Variants in GALNT17 observed in about 807,000 individuals in gnomAD.
GALNT17 encodes UDP-GalNAc:polypeptide N-acetylgalactosaminyltransferase-like 3.
GALNT17 carries 29 observed loss-of-function variants against 63.7 expected under a neutral mutation model. The ratio of observed to expected loss-of-function variants is 0.46; its 90% CI spans 0.34 to 0.62. The LOEUF (loss-of-function observed/expected upper bound fraction) is 0.62, where lower values mean the gene tolerates loss of function less well. GALNT17 is among the 20% of genes least tolerant of loss of function. GALNT17 has a pLI of 0.01. For missense variants in GALNT17, 603 were observed against 799.6 expected, an observed-to-expected ratio of 0.75 and a Z score of 2.97; for synonymous variants, 305 against 318.3, an observed-to-expected ratio of 0.96 and a Z score of 0.45.
chr7:71,275,624 T>G (rs949482704), intron 1 of GALNT17, among the ~76,000 whole-genome samples: 2 of 152,144 alleles, frequency 1.3e-5, no homozygotes, highest in African/African-American at 4.8e-5. Context: ...TCTACGGCAG[T>G]TCCATGGGGG....
chr7:71,237,580 G>T (rs1469976612), intron 1 of GALNT17, among the ~76,000 whole-genome samples: 1 of 151,780 alleles, frequency 6.6e-6, no homozygotes, highest in Non-Finnish European at 1.5e-5. Context: ...AGCTACTCAG[G>T]AGGCTGACAT....
chr7:71,182,063 T>C (rs1403802829), intron 1 of GALNT17, among the ~76,000 whole-genome samples: 1 of 152,128 alleles, frequency 6.6e-6, no homozygotes. Context: ...TAGTCTCAGC[T>C]ACTCGGGAGG....
chr7:71,523,143 G>A (rs1158074665), intron 5 of GALNT17, among the ~76,000 whole-genome samples: 1 of 152,162 alleles, frequency 6.6e-6, no homozygotes, highest in Admixed American at 6.5e-5. Flanking sequence ...TACATTTTAG[G>A]AGCCAGGTGC....
chr7:71,307,532 A>G (rs1296232770), intron 1 of GALNT17: 1 of 151,936 alleles, frequency 6.6e-6, no homozygotes, highest in Non-Finnish European at 1.5e-5. Flanking sequence ...ATCAAGTGCT[A>G]TGATAGAGAC....
At chr7:71,473,638 T>C (rs1479221507) in intron 5 of GALNT17, among the ~76,000 whole-genome samples, 2 of 152,134 alleles carry the variant, frequency 1.3e-5, no homozygotes, top group African/African-American at 4.8e-5. Context: ...CCATCCTTTC[T>C]TCTCTTCATG....
chr7:71,507,530 C>G (rs946860628), intron 5 of GALNT17, among the ~76,000 whole-genome samples: 7 of 152,200 alleles, frequency 4.6e-5, no homozygotes, highest in African/African-American at 7.2e-5. Context: ...GCAGTCAGCA[C>G]TCACCCTGGG....
intron 5 of GALNT17, among the ~76,000 whole-genome samples, chr7:71,445,665 A>C (rs1193429223): frequency 1.3e-5 from 2 of 152,278 alleles, no homozygotes; most frequent in African/African-American, 4.8e-5. Flanking sequence ...TGATTGCTGA[A>C]ATCGATTAAA....
At chr7:71,397,624 C>T (rs1793161794) in intron 3 of GALNT17, among the ~76,000 whole-genome samples, 1 of 152,202 alleles carries the variant, frequency 6.6e-6, no homozygotes, top group South Asian at 2.1e-4. Flanking sequence ...TATCTGAAGT[C>T]ACACTGCCCT....
At position 71,445,474 on chromosome 7, in the gene GALNT17, C is replaced by T. The variant is rs368200263; in HGVS notation, c.962+24369C>T. Reference sequence around the variant, plus strand: ...GGCCTCCCAAAGTGCTGGGATTACACGTGTGAGCCACTGCGCCCGGCCAGG... The same window carrying T: ...GGCCTCCCAAAGTGCTGGGATTACATGTGTGAGCCACTGCGCCCGGCCAGG... On this transcript the variant is annotated intron_variant, in intron 5 of 10. Coordinates refer to ENST00000333538, the MANE Select transcript of GALNT17 (RefSeq NM_022479.3). 4.8e-4 allele frequency among the ~76,000 whole-genome samples: 71 copies of T among 149,082 alleles called. No individual in the cohort carries two copies. The East Asian group carries it at 0.011, about 23-fold the overall frequency.
chr7:71,327,975 A>G (rs1044764347), intron 1 of GALNT17, among the ~76,000 whole-genome samples: 14 of 152,080 alleles, frequency 9.2e-5, no homozygotes, highest in African/African-American at 3.1e-4. Context: ...GTTGCCTCCT[A>G]TTGGTTCATC....
intron 1 of GALNT17, among the ~76,000 whole-genome samples, chr7:71,273,013 A>G (rs1426308967): frequency 6.7e-6 from 1 of 148,356 alleles, no homozygotes; most frequent in African/African-American, 2.6e-5. Flanking sequence ...GCTGCCAGCT[A>G]AAACCTCAGG....
At chr7:71,200,870 CA>C (rs1330793306) in intron 1 of GALNT17, among the ~76,000 whole-genome samples, 2 of 151,546 alleles carry the variant, frequency 1.3e-5, no homozygotes, top group African/African-American at 4.8e-5. Flanking sequence ...GAAAACAAAA[CA>C]AAACTCAACT....
At chr7:71,515,600 G>T (rs1379555979) in intron 5 of GALNT17, among the ~76,000 whole-genome samples, 1 of 152,126 alleles carries the variant, frequency 6.6e-6, no homozygotes, top group African/African-American at 2.4e-5. Context: ...CATGGATACA[G>T]GCCCTCTTTA....
intron 2 of GALNT17, among the ~76,000 whole-genome samples, chr7:71,383,799 A>G (rs1191198386): frequency 6.6e-6 from 1 of 152,174 alleles, no homozygotes; most frequent in Non-Finnish European, 1.5e-5. Flanking sequence ...ATGAAAATAC[A>G]GAACCTGTGG....
intron 5 of GALNT17, among the ~76,000 whole-genome samples, chr7:71,509,276 A>G (rs1788316460): frequency 1.3e-5 from 2 of 152,242 alleles, no homozygotes; most frequent in Non-Finnish European, 2.9e-5. Flanking sequence ...CATGTAATAT[A>G]GCCTAGGCTA....
chr7:71,462,686 G>C (rs759237153), intron 5 of GALNT17, among the ~76,000 whole-genome samples: 3 of 152,140 alleles, frequency 2.0e-5, no homozygotes, highest in Non-Finnish European at 4.4e-5. Context: ...GAAGTGGGAG[G>C]GAGTGTCCAG....
intron 1 of GALNT17, among the ~76,000 whole-genome samples, chr7:71,331,517 G>T (rs1015203837): frequency 6.6e-6 from 1 of 152,100 alleles, no homozygotes; most frequent in Admixed American, 6.5e-5. Context: ...AGACCAGCCT[G>T]GGGCACCATA....
intron 2 of GALNT17, among the ~76,000 whole-genome samples, chr7:71,345,310 A>C (rs1347233876): frequency 6.6e-6 from 1 of 151,868 alleles, no homozygotes; most frequent in African/African-American, 2.4e-5. Flanking sequence ...CAATTTTATG[A>C]TATGCTTTCT....
At chr7:71,276,226 G>A (rs1790678413) in intron 1 of GALNT17, among the ~76,000 whole-genome samples, 1 of 152,156 alleles carries the variant, frequency 6.6e-6, no homozygotes, top group African/African-American at 2.4e-5. Flanking sequence ...AGCAGGGCAG[G>A]TGGCTGCAGG....
Sources: allele counts gnomAD v4.1 joint callset (sites outside exome capture counted in the v4.1 genomes callset), GRCh38; gene constraint gnomAD v4.1.1; transcripts MANE v1.5; gene names NCBI Gene and HGNC (gene_info 2026-07-23, HGNC 2026-07-21).